ZBTB7A: variants seen among roughly 807,000 people sequenced by gnomAD.
ZBTB7A encodes the protein zinc finger and BTB domain-containing protein 7A.
ZBTB7A carries 7 observed loss-of-function variants against 26.7 expected under a neutral mutation model. The ratio of observed to expected loss-of-function variants is 0.26; its 90% CI spans 0.15 to 0.49. ZBTB7A has a LOEUF of 0.49. Ranked by LOEUF, ZBTB7A falls within the 20% of genes least tolerant of loss-of-function variation. ZBTB7A has a pLI of 0.98. For missense variants in ZBTB7A, 617 were observed against 919.5 expected, an observed-to-expected ratio of 0.67 and a Z score of 4.25; for synonymous variants, 452 against 441.0, an observed-to-expected ratio of 1.02 and a Z score of -0.31.
At position 4,048,127 on chromosome 19, in the gene ZBTB7A, G is replaced by A. The variant is rs767120363; in HGVS notation, c.1380C>T (p.His460=). Residue 460 remains histidine (H), a synonymous_variant, in exon 3 of 3, where the codon CAC becomes CAT. Coordinates refer to ENST00000322357, the MANE Select transcript of ZBTB7A (RefSeq NM_015898.4). The surrounding 1 kb of genome is among the most constrained non-coding windows in gnomAD (Gnocchi z 6.7). ...CGCACTGGTAGGGGCGCAGGCCCGT[G>A]TGCACGCGCATGTGGTTCTTCAGGT... is the stretch of plus-strand genomic sequence containing the variant. ...NYDLKNHMRV[H]TGLRPYQCDS... The A allele has an allele frequency of 1.2e-6, 2 of 1,610,534 alleles. No individual in the cohort carries two copies. Among genetic ancestry groups the A allele is most frequent in the Middle Eastern group, 1.7e-4 (1 of 6,060 alleles).
rs1463713104 is a variant in ZBTB7A at position 4,043,855 on chromosome 19, CCCA to C, written c.*3894_*3896del. Among the ~76,000 whole-genome samples, 13 of 146,522 alleles carry C rather than the reference CCCA, an allele frequency of 8.9e-5. No homozygotes were observed. The highest frequency in any genetic ancestry group is 2.3e-4 in the South Asian group (1 of 4,444). ...GCCAGCCACCCACCACCCCCCCCCCCCCACCTCCAGGAAGGCTGCTTCAACTTA... is the reference window on the plus strand; with the variant it reads ...GCCAGCCACCCACCACCCCCCCCCCCCCTCCAGGAAGGCTGCTTCAACTTA... On this transcript the variant is annotated 3_prime_UTR_variant, in exon 3 of 3. Coordinates refer to ENST00000322357, the MANE Select transcript of ZBTB7A (RefSeq NM_015898.4).
Position 4,066,674 on chromosome 19 carries a change from T to G in ZBTB7A, c.-16+8A>C, listed in dbSNP as rs919628699. ...CCGTGCCGGGGGCCGCGCCGGGCGC[T>G]GACTTACCTCGCGGGGCCGGGCCGG... On this transcript the variant is annotated splice_region_variant and intron_variant, in intron 1 of 2. Transcript: ENST00000322357. The G allele has an allele frequency of 2.0e-5, 3 of 151,140 alleles. No homozygotes were observed. The highest frequency in any genetic ancestry group is 4.4e-5 in the Non-Finnish European group (3 of 67,648). The allele number at this position is 151,140 out of a possible 1,614,324, so 9.4% of individuals were successfully genotyped here. A position where few individuals can be genotyped will look rare whatever the true frequency, so the allele number is the denominator to read the frequency against.
chr19:4,049,193 T>TA (rs2040469364), intron 2 of ZBTB7A, among the ~76,000 whole-genome samples: 1 of 36,984 alleles, frequency 2.7e-5, no homozygotes, highest in African/African-American at 4.9e-5. Context: ...TATATATATA[T>TA]ATATATATAT....
At chr19:4,058,998 G>A (rs1434729176) in intron 1 of ZBTB7A, among the ~76,000 whole-genome samples, 1 of 152,212 alleles carries the variant, frequency 6.6e-6, no homozygotes, top group Admixed American at 6.5e-5. Context: ...GAGGGTAGGA[G>A]GGGAGCGACC....
In ZBTB7A at chr19:4,048,164, G is replaced by A. The variant is rs1440022695; in HGVS notation, c.1343C>T (p.Ala448Val). 1 of 1,608,232 alleles carries A rather than the reference G, an allele frequency of 6.2e-7. No homozygotes were observed. Among genetic ancestry groups the A allele is most frequent in the East Asian group, 2.2e-5 (1 of 44,580 alleles). ...GTGGTTCTTCAGGTCGTAGTTGTGG[G>A]CAAAGGCGGCGCCGCACTGCTGGCA... ...YLCQQCGAAF[A>V]HNYDLKNHMR... The change falls in exon 3 of 3, where the codon GCC (alanine) becomes GTC (valine). Residue 448 changes from alanine (A) to valine (V), a missense_variant. Transcript: ENST00000322357. The surrounding 1 kb of genome is among the most constrained non-coding windows in gnomAD (Gnocchi z 6.7).
At chr19:4,057,170 G>A (rs1188965616) in intron 1 of ZBTB7A, among the ~76,000 whole-genome samples, 1 of 149,894 alleles carries the variant, frequency 6.7e-6, no homozygotes, top group African/African-American at 2.5e-5. Flanking sequence ...CCAACATGGT[G>A]AAATCTCGTC....
rs575585139 is a variant in ZBTB7A, at chr19:4,059,635, C to T, written c.-15-4388G>A. Among the ~76,000 whole-genome samples, 9 of 152,206 alleles carry T rather than the reference C, an allele frequency of 5.9e-5. No individual in the cohort carries two copies. In the South Asian group the frequency reaches 1.9e-3, roughly 32 times the overall value. ...TGGGGGCCAGGAAATGATGGAGGGG[C>T]CGGTCCCCCCACCCACCCAGGGCAA... On this transcript the variant is annotated intron_variant, in intron 1 of 2. Coordinates refer to ENST00000322357, the MANE Select transcript of ZBTB7A (RefSeq NM_015898.4).
intron 1 of ZBTB7A, among the ~76,000 whole-genome samples, chr19:4,064,423 G>T (rs976458839): frequency 6.6e-6 from 1 of 152,196 alleles, no homozygotes; most frequent in African/African-American, 2.4e-5. Flanking sequence ...CCCATGGCGG[G>T]TGGCCCTCGC....
At position 4,052,178 on chromosome 19, in the gene ZBTB7A, G is replaced by A. The variant is rs1271128508; in HGVS notation, c.1262+1793C>T. On this transcript the variant is annotated intron_variant, in intron 2 of 2. Transcript: ENST00000322357. The surrounding 1 kb of genome is among the most constrained non-coding windows in gnomAD (Gnocchi z 4.9). ...TCGGGTGGGATAGCCAGCAGTGCCC[G>A]AGTCAGAATGAAACCGGGCCTGTGG... 6.6e-6 allele frequency among the ~76,000 whole-genome samples: 1 copy of A among 152,138 alleles called. No individual in the cohort carries two copies. Among genetic ancestry groups the A allele is most frequent in the East Asian group, 1.9e-4 (1 of 5,178 alleles).
chr19:4,053,323 A>AG (rs1268177449), intron 2 of ZBTB7A, among the ~76,000 whole-genome samples: 1 of 152,126 alleles, frequency 6.6e-6, no homozygotes, highest in Non-Finnish European at 1.5e-5. Flanking sequence ...GGGTCAGGGA[A>AG]GCGTTCGTTG....
intron 1 of ZBTB7A, among the ~76,000 whole-genome samples, chr19:4,064,687 G>A (rs1247579250): frequency 1.3e-5 from 2 of 152,216 alleles, no homozygotes; most frequent in Non-Finnish European, 1.5e-5. Context: ...GCCCTCTCCG[G>A]AGGCAGCTGG....
Position 4,048,381 on chromosome 19 carries a change from C to A in ZBTB7A, c.1263-137G>T. ...GGACCGTGCACCAGAGGTTTCGGTG[C>A]CCCGATGGGGACGGTCCCTCGAAAA... On this transcript the variant is annotated intron_variant, in intron 2 of 2. Transcript: ENST00000322357. This position sits in a 1 kb window ranked among gnomAD's most constrained non-coding sequence, Gnocchi z 6.7. 1 of 1,246,340 alleles carries A rather than the reference C, an allele frequency of 8.0e-7. No individual in the cohort carries two copies. Among genetic ancestry groups the A allele is most frequent in the Non-Finnish European group, 1.0e-6 (1 of 958,098 alleles). The allele number at this position is 1,246,340 out of a possible 1,614,324, so 77.2% of individuals were successfully genotyped here.
At position 4,045,155 on chromosome 19, in the gene ZBTB7A, C is replaced by CTT. The variant is rs2040399077; in HGVS notation, c.*2596_*2597insAA. ...CGGTGGGCCGCAGCCCTTGTTCCTACGGAAGTCCCAGAGGGCTCCACCCCC... is the reference window on the plus strand; with the variant it reads ...CGGTGGGCCGCAGCCCTTGTTCCTACTTGGAAGTCCCAGAGGGCTCCACCCCC... On this transcript the variant is annotated 3_prime_UTR_variant, in exon 3 of 3. Coordinates refer to ENST00000322357, the MANE Select transcript of ZBTB7A (RefSeq NM_015898.4). The surrounding 1 kb of genome is among the most constrained non-coding windows in gnomAD (Gnocchi z 4.1). The CTT allele has an allele frequency of 6.6e-6, 1 of 152,282 alleles. No individual in the cohort carries two copies. Among genetic ancestry groups the CTT allele is most frequent in the South Asian group, 2.1e-4 (1 of 4,828 alleles). The allele number at this position is 152,282 out of a possible 1,614,324, so 9.4% of individuals were successfully genotyped here.
At chr19:4,057,636 C>A (rs933157973) in intron 1 of ZBTB7A, among the ~76,000 whole-genome samples, 1 of 151,780 alleles carries the variant, frequency 6.6e-6, no homozygotes, top group African/African-American at 2.4e-5. Context: ...AAAAAATTAG[C>A]TGGGCCTGGT....
rs2040399451 is a variant in ZBTB7A, at chr19:4,045,175, A to T, written c.*2577T>A. The T allele has an allele frequency of 6.6e-6, 1 of 152,098 alleles. No homozygotes were observed. The highest frequency in any genetic ancestry group is 1.5e-5 in the Non-Finnish European group (1 of 68,054). The allele number at this position is 152,098 out of a possible 1,614,324, so 9.4% of individuals were successfully genotyped here. On this transcript the variant is annotated 3_prime_UTR_variant, in exon 3 of 3. Coordinates refer to ENST00000322357, the MANE Select transcript of ZBTB7A (RefSeq NM_015898.4). The surrounding 1 kb of genome is among the most constrained non-coding windows in gnomAD (Gnocchi z 4.1). Reference sequence around the variant, plus strand: ...TCCTACGGAAGTCCCAGAGGGCTCCACCCCCCAAGTCCGGTCGCCCCCACT... The same window carrying T: ...TCCTACGGAAGTCCCAGAGGGCTCCTCCCCCCAAGTCCGGTCGCCCCCACT...
At chr19:4,059,899 G>A (rs925179632) in intron 1 of ZBTB7A, among the ~76,000 whole-genome samples, 1 of 152,144 alleles carries the variant, frequency 6.6e-6, no homozygotes, top group Non-Finnish European at 1.5e-5. Flanking sequence ...AAAAGTCCCC[G>A]AGTGCTGAAG....
intron 1 of ZBTB7A, 122 bp from the exon 2 acceptor site, chr19:4,055,369 C>T: frequency 1.4e-6 from 2 of 1,397,432 alleles, no homozygotes; most frequent in Non-Finnish European, 1.8e-6. Flanking sequence ...GCCTCACATT[C>T]CCACCTGCAC....
rs1033253777 is a variant in ZBTB7A at position 4,053,879 on chromosome 19, G to C, written c.1262+92C>G. The C allele has an allele frequency of 2.4e-5, 35 of 1,431,424 alleles. No homozygotes were observed. In the Admixed American group the frequency reaches 5.4e-4, roughly 22 times the overall value. The allele number at this position is 1,431,424 out of a possible 1,614,324, so 88.7% of individuals were successfully genotyped here. ...TGTGTGCGTCTGCGTGCATGTGTGC[G>C]TGCGGTGCAGGGAGAGAGGCGGGAG... On this transcript the variant is annotated intron_variant, in intron 2 of 2. Coordinates refer to ENST00000322357, the MANE Select transcript of ZBTB7A (RefSeq NM_015898.4).
At position 4,055,185 on chromosome 19, in the gene ZBTB7A, G is replaced by A; in HGVS notation, c.48C>T (p.His16=). The part of the protein sequence containing the change: ...DGPIGIPFPD[H]SSDILSGLNE... Reference sequence around the variant, plus strand: ...TCAGCCCACTCAGGATGTCGCTGCTGTGGTCGGGGAACGGGATCCCGATGG... The same window carrying A: ...TCAGCCCACTCAGGATGTCGCTGCTATGGTCGGGGAACGGGATCCCGATGG... The change falls in exon 2 of 3, where the codon CAC becomes CAT. Residue 16 remains histidine, a synonymous_variant. Coordinates refer to ENST00000322357, the MANE Select transcript of ZBTB7A (RefSeq NM_015898.4). 1 of 1,590,070 alleles carries A rather than the reference G, an allele frequency of 6.3e-7. No individual in the cohort carries two copies. The highest frequency in any genetic ancestry group is 8.6e-7 in the Non-Finnish European group (1 of 1,167,774).
Sources: allele counts gnomAD v4.1 joint callset (sites outside exome capture counted in the v4.1 genomes callset), GRCh38; gene constraint gnomAD v4.1.1; non-coding constraint Gnocchi (gnomAD v3.1); transcripts MANE v1.5; gene names NCBI Gene and HGNC (gene_info 2026-07-23, HGNC 2026-07-21).